Variants in SLC35B1 observed in about 807,000 individuals in gnomAD.
The protein encoded by SLC35B1 is ATP/ADP exchanger ER.
A neutral mutation model predicts 36.6 loss-of-function variants in SLC35B1; 27 were observed. The ratio of observed to expected loss-of-function variants is 0.74; its 90% CI spans 0.54 to 1.02. SLC35B1 has a LOEUF of 1.02. Among genes scored for constraint, SLC35B1 ranks in the 50% least tolerant of loss-of-function variants. The pLI is 0.00. For missense variants in SLC35B1, 321 were observed against 383.2 expected (o/e 0.84, Z 1.35); for synonymous variants, 162 against 152.5 (o/e 1.06, Z -0.46).
At chr17:49,703,122 C>A in intron 7 of SLC35B1, 66 bp downstream of exon 7, 1 of 1,588,768 alleles carries the variant, frequency 6.3e-7, no homozygotes, top group Non-Finnish European at 8.6e-7. Flanking sequence ...TCCAGCCAGG[C>A]CAGTCTTTCT....
upstream of SLC35B1, chr17:49,708,036 C>A (rs934097677): frequency 1.8e-6 from 2 of 1,139,760 alleles, no homozygotes; most frequent in Non-Finnish European, 2.5e-6. Flanking sequence ...TCCTCAGAAC[C>A]CAGCAACCAC....
chr17:49,707,421 A>G, intron 1 of SLC35B1: 1 of 1,446,466 alleles, frequency 6.9e-7, no homozygotes, highest in Admixed American at 2.1e-5. Flanking sequence ...ATCTGGGAGT[A>G]CCAAAAGGGG....
At position 49,707,051 on chromosome 17, in the gene SLC35B1, C is replaced by G; in HGVS notation, c.122G>C (p.Gly41Ala). The part of the protein sequence containing the change: ...LQEKITRGKY[G>A]EGAKQETFTF... ...GAACGTCTCCTGCTTGGCTCCTTCC[C>G]CATACTTTCCTCTTGTTCTAGAAAT... The change falls in exon 2 of 9, where the codon GGG becomes GCG. Residue 41 changes from glycine to alanine, a missense_variant. By Grantham distance (60) the Gly-to-Ala change is moderately conservative (BLOSUM62 0). Transcript: ENST00000240333. 1.2e-6 allele frequency: 2 copies of G among 1,613,514 alleles called. No individual in the cohort carries two copies. The highest frequency in any genetic ancestry group is 2.2e-5 in the South Asian group (2 of 91,070).
intron 8 of SLC35B1, 154 bp from the exon 9 acceptor site, chr17:49,701,664 G>A (rs560044601): frequency 1.6e-6 from 1 of 611,272 alleles, no homozygotes; most frequent in Non-Finnish European, 2.9e-6. Flanking sequence ...CTTCCTCAGA[G>A]ACAAGAGAAT....
At chr17:49,706,510 G>A (rs909713315) in intron 2 of SLC35B1, among the ~76,000 whole-genome samples, 176 bp from the exon 3 acceptor site, 2 of 152,020 alleles carry the variant, frequency 1.3e-5, no homozygotes, top group African/African-American at 4.8e-5. Flanking sequence ...GGAAATCTCT[G>A]AAAATTATTC....
rs376914547 is a variant in SLC35B1 at position 49,707,047 on chromosome 17, T to G, written c.126A>C (p.Glu42Asp). Residue 42 changes from glutamate (E) to aspartate (D), a missense_variant, in exon 2 of 9, where the codon GAA becomes GAC. By Grantham distance (45) the Glu-to-Asp change is conservative (BLOSUM62 2). Transcript: ENST00000240333. ...QEKITRGKYG[E>D]GAKQETFTFA... ...AGGTGAACGTCTCCTGCTTGGCTCC[T>G]TCCCCATACTTTCCTCTTGTTCTAG... 95 of 1,613,584 alleles carry G rather than the reference T, an allele frequency of 5.9e-5. No homozygotes were observed. In the African/African-American group the frequency reaches 1.1e-3, roughly 19 times the overall value.
chr17:49,705,665 G>C (rs867274095), intron 4 of SLC35B1: 1 of 646,150 alleles, frequency 1.5e-6, no homozygotes, highest in Middle Eastern at 3.9e-4. Flanking sequence ...TCAGCCTTTA[G>C]CTCCTATTAA....
At position 49,707,771 on chromosome 17, in the gene SLC35B1, G is replaced by A. The variant is rs1161576146; in HGVS notation, c.63C>T (p.Val21=). The A allele has an allele frequency of 1.2e-6, 2 of 1,612,082 alleles. No homozygotes were observed. The highest frequency in any genetic ancestry group is 2.2e-5 in the East Asian group (1 of 44,882). The change falls in exon 1 of 9, where the codon GTC becomes GTT. Residue 21 remains valine, a synonymous_variant. Transcript: ENST00000240333. ...RLRLPLCFLG[V]FVCYFYYGIL... ...TCCCATAGTAAAAATAGCAGACAAA[G>A]ACACCCAGGAAGCAGAGCGGCAGGC...
rs1408271574 is a variant in SLC35B1, at chr17:49,703,171, C to T, written c.762+17G>A. On this transcript the variant is annotated intron_variant, in intron 7 of 8. Coordinates refer to ENST00000240333, the MANE Select transcript of SLC35B1 (RefSeq NM_005827.4). ...GCCAGAGTAGGGAAGCCAAGCCATC[C>T]CCTTTCAAGCACTCACCTGACCCAG... is the stretch of plus-strand genomic sequence containing the variant. 6.2e-6 allele frequency: 10 copies of T among 1,600,036 alleles called. No individual in the cohort carries two copies. The highest frequency in any genetic ancestry group is 8.6e-6 in the Non-Finnish European group (10 of 1,167,290).
chr17:49,704,316 G>C, intron 5 of SLC35B1, 90 bp from the exon 6 acceptor site: 1 of 1,495,500 alleles, frequency 6.7e-7, no homozygotes, highest in Non-Finnish European at 9.1e-7. Flanking sequence ...CAGGCTCCTT[G>C]GAAAGCCACT....
intron 1 of SLC35B1, 115 bp downstream of exon 1, chr17:49,707,615 G>A (rs2073435970): frequency 2.1e-6 from 3 of 1,453,386 alleles, no homozygotes; most frequent in Admixed American, 2.2e-5. Context: ...AGGGTGCTAA[G>A]AGGGCGACAG....
Position 49,701,166 on chromosome 17 carries a change from T to C in SLC35B1, c.*292A>G, listed in dbSNP as rs1274322740. On this transcript the variant is annotated 3_prime_UTR_variant, in exon 9 of 9. Transcript: ENST00000240333. Reference sequence around the variant, plus strand: ...CTTGGAGGAATCGCCCACTCAACCATGCTAACCACACCCGTGAGAGGAGCA... The same window carrying C: ...CTTGGAGGAATCGCCCACTCAACCACGCTAACCACACCCGTGAGAGGAGCA... 11 of 329,830 alleles carry C rather than the reference T, an allele frequency of 3.3e-5. No individual in the cohort carries two copies. The highest frequency in any genetic ancestry group is 1.2e-4 in the Admixed American group (3 of 24,422). 20.4% of individuals were successfully genotyped at this position (329,830 alleles called of 1,614,324 possible).
intron 3 of SLC35B1, 106 bp from the exon 4 acceptor site, chr17:49,706,002 A>G: frequency 7.5e-7 from 1 of 1,332,466 alleles, no homozygotes; most frequent in Non-Finnish European, 1.1e-6. Context: ...TGCACCAGAG[A>G]CCTCAGCCTC....
At chr17:49,706,102 C>CTTTTTTTTT in intron 3 of SLC35B1, 102 bp downstream of exon 3, 2 of 837,066 alleles carry the variant, frequency 2.4e-6, no homozygotes, top group South Asian at 4.4e-5. Flanking sequence ...GGACCGTTAT[C>CTTTTTTTTT]TTTTTTTTTT....
At chr17:49,702,087 T>G (rs1043025540) in intron 8 of SLC35B1, 1 of 171,682 alleles carries the variant, frequency 5.8e-6, no homozygotes, top group Non-Finnish European at 1.3e-5. Flanking sequence ...AGGGAGACCC[T>G]AGGAAGGCTG....
chr17:49,701,491 C>A lies in SLC35B1; in HGVS notation c.936G>T (p.Lys312Asn), dbSNP rs15166. 12 of 1,613,788 alleles carry A rather than the reference C, an allele frequency of 7.4e-6. No homozygotes were observed. Among genetic ancestry groups the A allele is most frequent in the Non-Finnish European group, 1.0e-5 (12 of 1,179,864 alleles). The change falls in exon 9 of 9, where the codon AAG becomes AAT. Residue 312 changes from lysine (K) to asparagine (N), a missense_variant. Transcript: ENST00000240333. ...ATGTCTTCTTAGCTCCTTTCCCAAA[C>A]TTGGCATCAAGACCAAGACCTATGA... Reference protein sequence around the residue: ...LVFLGLGLDAKFGKGAKKTSH With the variant: ...LVFLGLGLDANFGKGAKKTSH
At chr17:49,707,473 T>C (rs781547579) in intron 1 of SLC35B1, 6 of 1,480,840 alleles carry the variant, frequency 4.1e-6, no homozygotes, top group South Asian at 2.4e-5. Context: ...TCTCAGCCTG[T>C]AAAACGCAGG....
chr17:49,705,421 G>A, intron 4 of SLC35B1, 140 bp from the exon 5 acceptor site: 1 of 860,166 alleles, frequency 1.2e-6, no homozygotes, highest in Middle Eastern at 2.7e-4. Context: ...ACAAAAGGAG[G>A]GTGCCAGGCT....
At chr17:49,703,346 G>GCACACA in intron 6 of SLC35B1, 52 bp from the exon 7 acceptor site, 1 of 667,724 alleles carries the variant, frequency 1.5e-6, no homozygotes, top group African/African-American at 4.1e-5. Context: ...CACAAAATGT[G>GCACACA]CGCACACACA....
Sources: allele counts gnomAD v4.1 joint callset (sites outside exome capture counted in the v4.1 genomes callset), GRCh38; gene constraint gnomAD v4.1.1; transcripts MANE v1.5; gene names NCBI Gene and HGNC (gene_info 2026-07-23, HGNC 2026-07-21).